The following KCNQ1 variants were observed in gnomAD, a reference collection of about 807,000 sequenced individuals.
KCNQ1 encodes the protein potassium voltage-gated channel subfamily Q member 1.
Under a neutral mutation model 72.4 loss-of-function variants are expected in KCNQ1, and 49 were observed. The ratio of observed to expected loss-of-function variants is 0.68; its 90% CI spans 0.54 to 0.86. The LOEUF (loss-of-function observed/expected upper bound fraction) is 0.86. KCNQ1 is among the 40% of genes least tolerant of loss of function. The pLI is 0.00. For synonymous variants in KCNQ1, 450 were observed against 412.6 expected (o/e 1.09, Z -1.10); for missense variants, 790 against 945.1 (o/e 0.84, Z 2.15).
intron 10 of KCNQ1, chr11:2,643,057 A>C: frequency 2.5e-6 from 1 of 398,030 alleles, no homozygotes; most frequent in Non-Finnish European, 4.4e-6. Context: ...ATATATATTT[A>C]AAATCATACT....
rs1203704528 is a variant in KCNQ1, at chr11:2,783,478, T to G, written c.1794+5441T>G. Among the ~76,000 whole-genome samples, 2 of 152,122 alleles carry G rather than the reference T, an allele frequency of 1.3e-5. No individual in the cohort carries two copies. Among genetic ancestry groups the G allele is most frequent in the African/African-American group, 4.8e-5 (2 of 41,458 alleles). ...ACTGGAACAAGCTTGTTAGTTGGTCTGTTCAAATCTTCTATATTCTCATTG... is the reference window on the plus strand; with the variant it reads ...ACTGGAACAAGCTTGTTAGTTGGTCGGTTCAAATCTTCTATATTCTCATTG... On this transcript the variant is annotated intron_variant, in intron 15 of 15. Coordinates refer to ENST00000155840, the MANE Select transcript of KCNQ1 (RefSeq NM_000218.3). This position sits in a 1 kb window ranked among gnomAD's most constrained non-coding sequence, Gnocchi z 5.2.
In KCNQ1 at chr11:2,734,283, G is replaced by A. The variant is rs543780702; in HGVS notation, c.1515-34561G>A. Among the ~76,000 whole-genome samples, 2 of 152,264 alleles carry A rather than the reference G, an allele frequency of 1.3e-5. No individual in the cohort carries two copies. Among genetic ancestry groups the A allele is most frequent in the Admixed American group, 6.5e-5 (1 of 15,290 alleles). ...CAGGCCGGAGCCCAGCTGCAGAGCAGGGCAGGGGTGGCCAAAAGGCGCCTA... is the reference window on the plus strand; with the variant it reads ...CAGGCCGGAGCCCAGCTGCAGAGCAAGGCAGGGGTGGCCAAAAGGCGCCTA... On this transcript the variant is annotated intron_variant, in intron 11 of 15. Coordinates refer to ENST00000155840, the MANE Select transcript of KCNQ1 (RefSeq NM_000218.3). The surrounding 1 kb of genome is among the most constrained non-coding windows in gnomAD (Gnocchi z 7.0).
chr11:2,488,006 A>C lies in KCNQ1; in HGVS notation c.387-39922A>C, dbSNP rs1425291930. On this transcript the variant is annotated intron_variant, in intron 1 of 15. Coordinates refer to ENST00000155840, the MANE Select transcript of KCNQ1 (RefSeq NM_000218.3). The surrounding 1 kb of genome is among the most constrained non-coding windows in gnomAD (Gnocchi z 5.1). ...ATTATGATGTTAGCTGTGGATTTTC[A>C]CATATGGTTTTTATTATGTTAAGGT... 6.6e-6 allele frequency among the ~76,000 whole-genome samples: 1 copy of C among 152,160 alleles called. No individual in the cohort carries two copies. Among genetic ancestry groups the C allele is most frequent in the Non-Finnish European group, 1.5e-5 (1 of 68,018 alleles).
At chr11:2,527,045 G>A (rs1161817796) in intron 1 of KCNQ1, among the ~76,000 whole-genome samples, 1 of 152,178 alleles carries the variant, frequency 6.6e-6, no homozygotes, top group Non-Finnish European at 1.5e-5. Flanking sequence ...GCGGGCCCTG[G>A]AGGGTACGTT....
In KCNQ1 at chr11:2,621,578, G is replaced by A. The variant is rs7937711; in HGVS notation, c.1393+32724G>A. 21,170 of 398,282 alleles carry A rather than the reference G, an allele frequency of 0.053. 1,321 individuals are homozygous for A. Among genetic ancestry groups the A allele is most frequent in the African/African-American group, 0.2 (9,855 of 48,624 alleles). 24.7% of individuals were successfully genotyped at this position (398,282 alleles called of 1,614,324 possible). On this transcript the variant is annotated intron_variant, in intron 10 of 15. Transcript: ENST00000155840. This position sits in a 1 kb window ranked among gnomAD's most constrained non-coding sequence, Gnocchi z 5.7. Reference sequence around the variant, plus strand: ...ACTGTGATCTCTTTGCTATTGGTCTGTTCAGGCTTTCTATTCCTGATTTAA... The same window carrying A: ...ACTGTGATCTCTTTGCTATTGGTCTATTCAGGCTTTCTATTCCTGATTTAA...
chr11:2,796,882 C>T (rs901369117), intron 15 of KCNQ1, among the ~76,000 whole-genome samples: 2 of 152,224 alleles, frequency 1.3e-5, no homozygotes, highest in Non-Finnish European at 2.9e-5. Context: ...GTTCGCCATT[C>T]GGTGCCAATA....
Position 2,495,136 on chromosome 11 carries a change from T to A in KCNQ1, c.387-32792T>A, listed in dbSNP as rs1345988250. Among the ~76,000 whole-genome samples, 1 of 152,128 alleles carries A rather than the reference T, an allele frequency of 6.6e-6. No individual in the cohort carries two copies. The highest frequency in any genetic ancestry group is 1.5e-5 in the Non-Finnish European group (1 of 68,020). On this transcript the variant is annotated intron_variant, in intron 1 of 15. Coordinates refer to ENST00000155840, the MANE Select transcript of KCNQ1 (RefSeq NM_000218.3). The surrounding 1 kb of genome is among the most constrained non-coding windows in gnomAD (Gnocchi z 4.6). ...CTAGTTTATTTGCATGGAGGTGTTT[T>A]TAGTATTCTCTGATGGTAGTTTGTA...
chr11:2,455,937 C>A (rs899176919), intron 1 of KCNQ1, among the ~76,000 whole-genome samples: 2 of 152,166 alleles, frequency 1.3e-5, no homozygotes, highest in African/African-American at 4.8e-5. Flanking sequence ...CAAAAATATG[C>A]CATGGGGAAA....
At chr11:2,835,078 G>A (rs759527465) in intron 15 of KCNQ1, among the ~76,000 whole-genome samples, 4 of 152,160 alleles carry the variant, frequency 2.6e-5, no homozygotes, top group Non-Finnish European at 5.9e-5. Flanking sequence ...TGTCCTGGGT[G>A]CAGGCCCGGG....
At chr11:2,758,719 C>G (rs959862864) in intron 11 of KCNQ1, among the ~76,000 whole-genome samples, 10 of 152,236 alleles carry the variant, frequency 6.6e-5, no homozygotes, top group African/African-American at 2.2e-4. Flanking sequence ...CACTACCCAG[C>G]AGTAGAAAGG....
intron 10 of KCNQ1, among the ~76,000 whole-genome samples, chr11:2,605,806 C>T (rs1360930243): frequency 6.6e-6 from 1 of 152,170 alleles, no homozygotes; most frequent in African/African-American, 2.4e-5. Context: ...TATTATTCTA[C>T]AAAGAAACCA....
chr11:2,571,181 G>A (rs1427295504), intron 3 of KCNQ1, 144 bp from the exon 4 acceptor site: 7 of 735,352 alleles, frequency 9.5e-6, no homozygotes, highest in East Asian at 2.6e-5. Flanking sequence ...CTCCCTATCC[G>A]AGGTGTCTCC....
In KCNQ1 at chr11:2,683,979, T is replaced by G. The variant is rs1414314517; in HGVS notation, c.1514+21898T>G. 7.5e-6 allele frequency: 3 copies of G among 398,510 alleles called. No homozygotes were observed. Among genetic ancestry groups the G allele is most frequent in the Non-Finnish European group, 1.3e-5 (3 of 226,022 alleles). The allele number at this position is 398,510 out of a possible 1,614,324, so 24.7% of individuals were successfully genotyped here. A position where few individuals can be genotyped will look rare whatever the true frequency, so the allele number is the denominator to read the frequency against. ...CTTTTACTTTTTTTTTTTTTTCATT[T>G]AGAAGAATTTCCTTGGCAACTCCGT... is the stretch of plus-strand genomic sequence containing the variant. On this transcript the variant is annotated intron_variant, in intron 11 of 15. Coordinates refer to ENST00000155840, the MANE Select transcript of KCNQ1 (RefSeq NM_000218.3). The surrounding 1 kb of genome is among the most constrained non-coding windows in gnomAD (Gnocchi z 4.7).
At position 2,482,210 on chromosome 11, in the gene KCNQ1, G is replaced by T. The variant is rs1040333365; in HGVS notation, c.386+36726G>T. Among the ~76,000 whole-genome samples, 2 of 152,134 alleles carry T rather than the reference G, an allele frequency of 1.3e-5. No individual in the cohort carries two copies. The highest frequency in any genetic ancestry group is 4.8e-5 in the African/African-American group (2 of 41,416). ...ACTGCGTGTGTGTGTGTGTATATGT[G>T]TGTGTGTGCATACTTGCCTATGTGT... On this transcript the variant is annotated intron_variant, in intron 1 of 15. Transcript: ENST00000155840. This position sits in a 1 kb window ranked among gnomAD's most constrained non-coding sequence, Gnocchi z 5.7.
intron 8 of KCNQ1, among the ~76,000 whole-genome samples, chr11:2,586,873 A>G (rs1455514741): frequency 6.6e-5 from 10 of 151,996 alleles, no homozygotes; most frequent in Admixed American, 2.0e-4. Flanking sequence ...GTCCTCATAC[A>G]AGGCCCTGGG....
chr11:2,707,036 T>C (rs1378983666), intron 11 of KCNQ1, among the ~76,000 whole-genome samples: 1 of 152,146 alleles, frequency 6.6e-6, no homozygotes, highest in Non-Finnish European at 1.5e-5. Context: ...GGGACATGGA[T>C]AAGGCTAAGG....
rs1433886890 is a variant in KCNQ1, at chr11:2,526,276, A to G, written c.387-1652A>G. On this transcript the variant is annotated intron_variant, in intron 1 of 15. Transcript: ENST00000155840. The surrounding 1 kb of genome is among the most constrained non-coding windows in gnomAD (Gnocchi z 6.1). ...AGGTGGGCACTGTGGTCAGGGGGAG[A>G]TGAGGATGGATGGGCAGGGTGCAGA... 1.3e-5 allele frequency among the ~76,000 whole-genome samples: 2 copies of G among 151,126 alleles called. No homozygotes were observed. The highest frequency in any genetic ancestry group is 1.5e-5 in the Non-Finnish European group (1 of 67,740).
chr11:2,636,843 A>G (rs1378588709), intron 10 of KCNQ1: 1 of 152,164 alleles, frequency 6.6e-6, no homozygotes, highest in Non-Finnish European at 1.5e-5. Context: ...TAGACTATTA[A>G]TTATTGCCTA....
chr11:2,466,980 G>A (rs1049873766), intron 1 of KCNQ1, among the ~76,000 whole-genome samples: 1 of 152,246 alleles, frequency 6.6e-6, no homozygotes, highest in African/African-American at 2.4e-5. Context: ...CTTTGGGGTG[G>A]GTTTGTGGGC....
Sources: allele counts gnomAD v4.1 joint callset (sites outside exome capture counted in the v4.1 genomes callset), GRCh38; gene constraint gnomAD v4.1.1; non-coding constraint Gnocchi (gnomAD v3.1); transcripts MANE v1.5; gene names NCBI Gene and HGNC (gene_info 2026-07-23, HGNC 2026-07-21).